The following TMEM116 variants were observed in gnomAD, a reference collection of about 807,000 sequenced individuals.
TMEM116 encodes transmembrane protein 116.
In TMEM116, 38 loss-of-function variants were observed where a neutral mutation model predicts 44.3. That is an observed-to-expected ratio of 0.86 (90% confidence interval 0.66 to 1.12). The LOEUF (loss-of-function observed/expected upper bound fraction) is 1.12, where lower values mean the gene tolerates loss of function less well. Among genes scored for constraint, TMEM116 ranks in the 50% most tolerant of loss-of-function variants. The pLI is 0.00. For synonymous variants in TMEM116, 132 were observed against 144.8 expected, an observed-to-expected ratio of 0.91 and a Z score of 0.64; for missense variants, 354 against 401.7, an observed-to-expected ratio of 0.88 and a Z score of 1.01.
intron 4 of TMEM116, among the ~76,000 whole-genome samples, chr12:111,981,484 AC>A (rs1938698709): frequency 6.6e-6 from 1 of 152,212 alleles, no homozygotes; most frequent in African/African-American, 2.4e-5. Context: ...AATTGCAGCT[AC>A]GTGTTTTGGT....
At chr12:112,003,974 A>G in intron 2 of TMEM116, 111 bp from the exon 3 acceptor site, 1 of 1,365,144 alleles carries the variant, frequency 7.3e-7, no homozygotes, top group Non-Finnish European at 9.4e-7. Context: ...TTGATATAAA[A>G]TAAACTGCAT....
chr12:111,934,131 A>C, intron 8 of TMEM116, 101 bp from the exon 9 acceptor site: 116 of 1,314,962 alleles, frequency 8.8e-5, no homozygotes, highest in Non-Finnish European at 1.1e-4. Context: ...TTAGAATCTC[A>C]CAACAGGAAC....
In TMEM116 at chr12:111,956,803, G is replaced by A. The variant is rs532822842; in HGVS notation, c.211-13434C>T. ...GTGCTGGGATTGCAGACGGAGTCTCGCTCACTCAGTGCTCAATGTTGCCCA... is the reference window on the plus strand; with the variant it reads ...GTGCTGGGATTGCAGACGGAGTCTCACTCACTCAGTGCTCAATGTTGCCCA... On this transcript the variant is annotated intron_variant, in intron 4 of 10. Transcript: ENST00000552374. 4.6e-5 allele frequency among the ~76,000 whole-genome samples: 7 copies of A among 152,284 alleles called. No homozygotes were observed. In the East Asian group the frequency reaches 7.7e-4, roughly 17 times the overall value.
Position 111,931,339 on chromosome 12 carries a change from G to A in TMEM116, c.*282C>T. 2.4e-6 allele frequency: 1 copy of A among 413,510 alleles called. No homozygotes were observed. The highest frequency in any genetic ancestry group is 5.2e-5 in the East Asian group (1 of 19,162). The allele number at this position is 413,510 out of a possible 1,614,324, so 25.6% of individuals were successfully genotyped here. A position where few individuals can be genotyped will look rare whatever the true frequency, so the allele number is the denominator to read the frequency against. Reference sequence around the variant, plus strand: ...ATTTATTTTTTCTAGAAGAGACTTAGACAAATCCAATATCCATCAAGGTAA... The same window carrying A: ...ATTTATTTTTTCTAGAAGAGACTTAAACAAATCCAATATCCATCAAGGTAA... On this transcript the variant is annotated 3_prime_UTR_variant, in exon 11 of 11. Coordinates refer to ENST00000552374, the MANE Select transcript of TMEM116 (RefSeq NM_001193531.2).
At chr12:111,958,704 C>A (rs201476361) in intron 4 of TMEM116, among the ~76,000 whole-genome samples, 1 of 151,892 alleles carries the variant, frequency 6.6e-6, no homozygotes, top group African/African-American at 2.4e-5. Flanking sequence ...GAAACATACA[C>A]AAGTATCAAT....
intron 3 of TMEM116, among the ~76,000 whole-genome samples, chr12:111,995,632 G>A (rs528934507): frequency 2.0e-5 from 3 of 152,190 alleles, no homozygotes; most frequent in Non-Finnish European, 4.4e-5. Flanking sequence ...CAGCTACTCA[G>A]GAGGCTGAGG....
chr12:111,961,199 A>G (rs1003956066), intron 4 of TMEM116, among the ~76,000 whole-genome samples: 2 of 152,218 alleles, frequency 1.3e-5, no homozygotes, highest in African/African-American at 4.8e-5. Context: ...ACCAACCAGA[A>G]AAAGTCCAGG....
At chr12:111,968,427 T>C (rs899541931) in intron 4 of TMEM116, among the ~76,000 whole-genome samples, 2 of 152,144 alleles carry the variant, frequency 1.3e-5, no homozygotes, top group Admixed American at 6.5e-5. Context: ...TTTAACTGCA[T>C]CCAAGAATAC....
At chr12:111,993,523 A>G (rs2076743881) in intron 3 of TMEM116, 6 of 546,086 alleles carry the variant, frequency 1.1e-5, no homozygotes, top group South Asian at 3.2e-5. Flanking sequence ...TAATTGCCCT[A>G]TGGAAGCTGC....
intron 4 of TMEM116, among the ~76,000 whole-genome samples, chr12:111,960,863 C>G (rs1339284029): frequency 6.6e-6 from 1 of 152,016 alleles, no homozygotes; most frequent in Non-Finnish European, 1.5e-5. Flanking sequence ...AGGAAAAACC[C>G]TTCAAAAAAA....
At chr12:111,943,473 G>T in intron 4 of TMEM116, 104 bp from the exon 5 acceptor site, 1 of 799,462 alleles carries the variant, frequency 1.3e-6, no homozygotes, top group South Asian at 1.6e-5. Flanking sequence ...CTACCTACTA[G>T]TCTATTAGTA....
chr12:111,940,687 A>G (rs1436934731), intron 5 of TMEM116, among the ~76,000 whole-genome samples: 2 of 151,880 alleles, frequency 1.3e-5, no homozygotes, highest in African/African-American at 2.4e-5. Context: ...AGGATACCAT[A>G]TTTGAGAGCT....
chr12:111,937,130 A>G (rs757225750), intron 7 of TMEM116, 30 bp downstream of exon 7: 4 of 1,572,974 alleles, frequency 2.5e-6, no homozygotes, highest in African/African-American at 2.7e-5. Context: ...GTAGTCTGCC[A>G]TGAAAATTAT....
At chr12:111,934,054 C>T (rs780419122) in intron 8 of TMEM116, 24 bp from the exon 9 acceptor site, 34 of 1,612,654 alleles carry the variant, frequency 2.1e-5, no homozygotes, top group Admixed American at 6.7e-5. Context: ...CAGCAGTGAG[C>T]AGTTTGCTTA....
chr12:111,938,074 A>C, intron 6 of TMEM116, 87 bp downstream of exon 6: 2 of 818,474 alleles, frequency 2.4e-6, no homozygotes, highest in Non-Finnish European at 3.8e-6. Flanking sequence ...GACAATGGAA[A>C]TAAAGGGCAC....
intron 4 of TMEM116, among the ~76,000 whole-genome samples, chr12:111,976,536 C>G (rs920895964): frequency 9.9e-5 from 15 of 152,074 alleles, no homozygotes; most frequent in South Asian, 4.1e-4. Context: ...AATCTAATTA[C>G]CTCAGTTCCT....
rs568720376 is a variant in TMEM116 at position 111,977,355 on chromosome 12, T to C, written c.210+14403A>G. Among the ~76,000 whole-genome samples, 3 of 152,300 alleles carry C rather than the reference T, an allele frequency of 2.0e-5. No individual in the cohort carries two copies. The South Asian group carries it at 6.2e-4, about 32-fold the overall frequency. On this transcript the variant is annotated intron_variant, in intron 4 of 10. Transcript: ENST00000552374. ...AGAAAGAACCACTAACCTAGAATTC[T>C]GTTTCCAGTATCCAGTAAAATTATT...
At chr12:111,998,525 T>C (rs1036112448) in intron 3 of TMEM116, among the ~76,000 whole-genome samples, 5 of 152,150 alleles carry the variant, frequency 3.3e-5, no homozygotes, top group Non-Finnish European at 5.9e-5. Flanking sequence ...ATTCAAGAAA[T>C]AGCCCTATGA....
chr12:111,973,522 TA>T (rs775665205), intron 4 of TMEM116, among the ~76,000 whole-genome samples: 47 of 152,346 alleles, frequency 3.1e-4, no homozygotes, highest in Non-Finnish European at 1.3e-4. Flanking sequence ...GAGATGCTAC[TA>T]AAGCAGTAAT....
Sources: allele counts gnomAD v4.1 joint callset (sites outside exome capture counted in the v4.1 genomes callset), GRCh38; gene constraint gnomAD v4.1.1; transcripts MANE v1.5; gene names NCBI Gene and HGNC (gene_info 2026-07-23, HGNC 2026-07-21).